JAK2: variants seen among roughly 807,000 people sequenced by gnomAD.
The protein encoded by JAK2 is Janus kinase 2.
A neutral mutation model predicts 139.3 loss-of-function variants in JAK2; 86 were observed. The observed-to-expected ratio is 0.62, with a 90% CI of 0.52 to 0.74. The LOEUF (loss-of-function observed/expected upper bound fraction) is 0.74, where lower values mean the gene tolerates loss of function less well. Among genes scored for constraint, JAK2 ranks in the 30% least tolerant of loss-of-function variants. JAK2 has a pLI of 0.00. For synonymous variants in JAK2, 490 were observed against 437.7 expected (o/e 1.12, Z -1.49); for missense variants, 1,421 against 1,360.3 (o/e 1.04, Z -0.70).
At chr9:5,003,056 G>A (rs1243038229) in intron 2 of JAK2, among the ~76,000 whole-genome samples, 1 of 151,832 alleles carries the variant, frequency 6.6e-6, no homozygotes, top group African/African-American at 2.4e-5. Context: ...ATGTGAGTAT[G>A]TTTTTTTGGA....
Position 5,126,739 on chromosome 9 carries a change from T to C in JAK2, c.3347T>C (p.Phe1116Ser). Residue 1116 changes from phenylalanine to serine, a missense_variant, in exon 25 of 25, where the codon TTT (phenylalanine) becomes TCT (serine). Physicochemically the swap from Phe to Ser is radical, Grantham distance 155. Transcript: ENST00000381652. Reference sequence around the variant, plus strand: ...AATAATGTAAATCAACGCCCCTCCTTTAGGGATCTAGCTCTTCGAGTGGAT... The same window carrying C: ...AATAATGTAAATCAACGCCCCTCCTCTAGGGATCTAGCTCTTCGAGTGGAT... ...WNNNVNQRPS[F>S]RDLALRVDQI... The C allele has an allele frequency of 6.2e-7, 1 of 1,611,178 alleles. No homozygotes were observed.
At chr9:5,019,676 A>G (rs772524777) in intron 2 of JAK2, among the ~76,000 whole-genome samples, 4 of 151,658 alleles carry the variant, frequency 2.6e-5, no homozygotes, top group Non-Finnish European at 5.9e-5. Flanking sequence ...CATTTTTTTG[A>G]ATTTGCTTTC....
intron 22 of JAK2, chr9:5,112,072 A>G: frequency 2.6e-6 from 1 of 389,508 alleles, no homozygotes; most frequent in South Asian, 1.9e-5. Flanking sequence ...CACGGCCTGG[A>G]GAGTAAGATA....
At chr9:5,026,530 A>T (rs1168319930) in intron 3 of JAK2, among the ~76,000 whole-genome samples, 1 of 152,222 alleles carries the variant, frequency 6.6e-6, no homozygotes, top group African/African-American at 2.4e-5. Flanking sequence ...TGAAAACATA[A>T]CTAGAATAAA....
chr9:5,059,549 T>TA (rs1295977916), intron 8 of JAK2, among the ~76,000 whole-genome samples: 8 of 152,162 alleles, frequency 5.3e-5, no homozygotes, highest in Non-Finnish European at 1.2e-4. Flanking sequence ...TTGGTGGACT[T>TA]ATGCACTCTT....
intron 2 of JAK2, among the ~76,000 whole-genome samples, chr9:4,995,327 C>A (rs1274322634): frequency 1.3e-5 from 2 of 152,084 alleles, no homozygotes; most frequent in African/African-American, 4.8e-5. Context: ...CTTTTTGATT[C>A]TGTAGATAGT....
intron 2 of JAK2, among the ~76,000 whole-genome samples, chr9:5,001,379 C>T (rs1256535936): frequency 6.6e-6 from 1 of 151,890 alleles, no homozygotes; most frequent in East Asian, 1.9e-4. Context: ...AATTTATTTC[C>T]AGAAATTTTA....
intron 4 of JAK2, among the ~76,000 whole-genome samples, chr9:5,035,634 A>G (rs926991492): frequency 6.6e-6 from 1 of 152,258 alleles, no homozygotes; most frequent in African/African-American, 2.4e-5. Context: ...GGCAAAAACC[A>G]TATGATTATC....
chr9:5,016,218 G>A (rs1430271804), intron 2 of JAK2, among the ~76,000 whole-genome samples: 4 of 152,200 alleles, frequency 2.6e-5, no homozygotes, highest in Non-Finnish European at 5.9e-5. Flanking sequence ...GGAACTTCAG[G>A]ATGAAGTGAA....
chr9:5,121,404 C>G (rs370993942), intron 22 of JAK2, among the ~76,000 whole-genome samples: 1 of 152,152 alleles, frequency 6.6e-6, no homozygotes, highest in African/African-American at 2.4e-5. Flanking sequence ...ATTCTAAATT[C>G]ACTTGGTAAT....
At chr9:5,079,530 A>G (rs935200501) in intron 16 of JAK2, among the ~76,000 whole-genome samples, 1 of 151,694 alleles carries the variant, frequency 6.6e-6, no homozygotes, top group African/African-American at 2.4e-5. Flanking sequence ...GGGAATTGCC[A>G]TGGCTATTAA....
chr9:5,112,616 C>A, intron 22 of JAK2: 1 of 917,412 alleles, frequency 1.1e-6, no homozygotes, highest in Non-Finnish European at 1.6e-6. Context: ...GCGCATGTGG[C>A]AACTGCACCT....
chr9:4,998,476 C>T (rs1392626062), intron 2 of JAK2, among the ~76,000 whole-genome samples: 3 of 152,144 alleles, frequency 2.0e-5, no homozygotes, highest in South Asian at 4.2e-4. Context: ...AGGCTGGTCT[C>T]GAACTCCTGA....
At chr9:4,991,952 T>C (rs1204297892) in intron 2 of JAK2, among the ~76,000 whole-genome samples, 1 of 152,204 alleles carries the variant, frequency 6.6e-6, no homozygotes, top group Non-Finnish European at 1.5e-5. Context: ...TTGCTATTGC[T>C]GTGTAACAGA....
chr9:5,072,410 C>A, intron 12 of JAK2, 82 bp from the exon 13 acceptor site: 1 of 1,027,328 alleles, frequency 9.7e-7, no homozygotes, highest in Non-Finnish European at 1.3e-6. Flanking sequence ...TAAAAAAATT[C>A]TTCCTCATTG....
chr9:5,034,553 G>C (rs1229397097), intron 4 of JAK2, among the ~76,000 whole-genome samples: 2 of 151,988 alleles, frequency 1.3e-5, no homozygotes, highest in African/African-American at 4.8e-5. Context: ...AGACCACAGT[G>C]CAATCAAACT....
chr9:5,039,932 A>C (rs1816359360), intron 4 of JAK2, among the ~76,000 whole-genome samples: 2 of 152,228 alleles, frequency 1.3e-5, no homozygotes, highest in African/African-American at 4.8e-5. Context: ...GAATTCCTAA[A>C]TGTCTTTATT....
intron 7 of JAK2, 69 bp from the exon 8 acceptor site, chr9:5,055,600 C>A: frequency 1.6e-6 from 2 of 1,237,668 alleles, no homozygotes; most frequent in South Asian, 1.4e-5. Context: ...ATGTTGTCTT[C>A]TTAAGTCTTG....
intron 22 of JAK2, chr9:5,114,451 A>C: frequency 2.1e-6 from 1 of 476,962 alleles, no homozygotes; most frequent in Non-Finnish European, 4.2e-6. Flanking sequence ...ACCCACACCC[A>C]CCTGCAGTCC....
Sources: gnomAD v4.1 joint callset for allele counts (sites outside exome capture counted in the v4.1 genomes callset) on GRCh38, gnomAD v4.1.1 for gene constraint, MANE v1.5 for transcripts, NCBI Gene and HGNC (gene_info 2026-07-23, HGNC 2026-07-21) for gene names.